ZYG11A: variants seen among roughly 807,000 people sequenced by gnomAD.
ZYG11A encodes the protein protein zyg-11 homolog A.
Under a neutral mutation model 77.2 loss-of-function variants are expected in ZYG11A, and 62 were observed. The ratio of observed to expected loss-of-function variants is 0.80; its 90% confidence interval spans 0.65 to 0.99. The LOEUF is 0.99. Among genes scored for constraint, ZYG11A ranks in the 50% least tolerant of loss-of-function variants. ZYG11A has a pLI of 0.00. For synonymous variants in ZYG11A, 315 were observed against 324.6 expected, an observed-to-expected ratio of 0.97 and a Z score of 0.32; for missense variants, 828 against 896.8, an observed-to-expected ratio of 0.92 and a Z score of 0.98.
At chr1:52,876,835 A>G (rs746579858) in intron 8 of ZYG11A, among the ~76,000 whole-genome samples, 3 of 152,178 alleles carry the variant, frequency 2.0e-5, no homozygotes, top group Non-Finnish European at 4.4e-5. Context: ...GTTATATTTT[A>G]TGTATCTTTT....
At chr1:52,843,973 A>G (rs1645511042) in intron 1 of ZYG11A, among the ~76,000 whole-genome samples, 1 of 152,090 alleles carries the variant, frequency 6.6e-6, no homozygotes, top group Admixed American at 6.5e-5. Context: ...GGCGTCAGCC[A>G]CCGTGCCCGG....
chr1:52,866,953 GTAAT>G (rs1300468421), intron 6 of ZYG11A, among the ~76,000 whole-genome samples: 1 of 152,106 alleles, frequency 6.6e-6, no homozygotes. Flanking sequence ...ATTTTGTTAT[GTAAT>G]TATTATTTTA....
chr1:52,870,743 C>T (rs960730811), intron 8 of ZYG11A, among the ~76,000 whole-genome samples: 1 of 152,108 alleles, frequency 6.6e-6, no homozygotes, highest in African/African-American at 2.4e-5. Flanking sequence ...CGCCTGCAGT[C>T]GCAGGCACTC....
intron 3 of ZYG11A, among the ~76,000 whole-genome samples, chr1:52,858,146 C>G (rs1645853381): frequency 6.7e-6 from 1 of 150,320 alleles, no homozygotes; most frequent in Non-Finnish European, 1.5e-5. Flanking sequence ...CCTGTAATCC[C>G]AGCACTTTGG....
intron 1 of ZYG11A, among the ~76,000 whole-genome samples, chr1:52,844,612 T>G (rs1027397687): frequency 1.3e-5 from 2 of 152,172 alleles, no homozygotes; most frequent in African/African-American, 4.8e-5. Flanking sequence ...CATTTTAATC[T>G]TCTCTTAGCA....
intron 4 of ZYG11A, among the ~76,000 whole-genome samples, chr1:52,862,676 CAG>C (rs1557439339): frequency 1.3e-5 from 2 of 152,124 alleles, no homozygotes; most frequent in African/African-American, 2.4e-5. Context: ...GCCTGGGTAA[CAG>C]AGCGAGATCC....
intron 1 of ZYG11A, among the ~76,000 whole-genome samples, chr1:52,846,513 C>T (rs1287870299): frequency 4.6e-5 from 7 of 151,200 alleles, no homozygotes; most frequent in Admixed American, 6.6e-5. Flanking sequence ...CCACCATTCC[C>T]GGCTAATTTT....
rs1375199449 is a variant in ZYG11A, at chr1:52,893,068, C to T, written c.*111C>T. ...TTTGTGAGTTGGCTGTCTCATTGGCCTTTGATTGTTGATTTTATATATGTT... is the reference window on the plus strand; with the variant it reads ...TTTGTGAGTTGGCTGTCTCATTGGCTTTTGATTGTTGATTTTATATATGTT... On this transcript the variant is annotated 3_prime_UTR_variant, in exon 14 of 14. Transcript: ENST00000371528. The T allele has an allele frequency of 2.1e-6, 2 of 943,284 alleles. No homozygotes were observed. The highest frequency in any genetic ancestry group is 3.3e-5 in the African/African-American group (2 of 60,180). The allele number at this position is 943,284 out of a possible 1,614,324, so 58.4% of individuals were successfully genotyped here. A position where few individuals can be genotyped will look rare whatever the true frequency, so the allele number is the denominator to read the frequency against.
At chr1:52,857,843 C>T in intron 3 of ZYG11A, 94 bp downstream of exon 3, 1 of 1,058,120 alleles carries the variant, frequency 9.5e-7, no homozygotes, top group Non-Finnish European at 1.3e-6. Context: ...ATTAGGGTTA[C>T]AGAGACAGAT....
intron 1 of ZYG11A, among the ~76,000 whole-genome samples, chr1:52,854,087 T>C (rs1645763670): frequency 6.6e-6 from 1 of 152,100 alleles, no homozygotes; most frequent in Non-Finnish European, 1.5e-5. Flanking sequence ...GTATAAAGGA[T>C]TTATACTGTA....
At position 52,842,930 on chromosome 1, in the gene ZYG11A, C is replaced by T. The variant is rs1283840132; in HGVS notation, c.47C>T (p.Pro16Leu). The change falls in exon 1 of 14, where the codon CCT becomes CTT. Residue 16 changes from proline (P) to leucine (L), a missense_variant. Physicochemically the swap from Pro to Leu is moderately conservative, Grantham distance 98. Coordinates refer to ENST00000371528, the MANE Select transcript of ZYG11A (RefSeq NM_001004339.3). ...GGCCACACGCCCCGGAACATCGTCC[C>T]TCCTGACGCTCAGAAGGATGCCCTG... The part of the protein sequence containing the change: ...HPGHTPRNIV[P>L]PDAQKDALGC... 1.3e-6 allele frequency: 2 copies of T among 1,529,836 alleles called. No individual in the cohort carries two copies. The allele number at this position is 1,529,836 out of a possible 1,614,324, so 94.8% of individuals were successfully genotyped here.
At chr1:52,856,955 G>A in intron 2 of ZYG11A, 43 bp from the exon 3 acceptor site, 1 of 1,471,322 alleles carries the variant, frequency 6.8e-7, no homozygotes, top group Non-Finnish European at 9.0e-7. Context: ...GGAAAGACAT[G>A]AGATCTAGTT....
rs386366962 is a variant in ZYG11A at position 52,886,699 on chromosome 1, A to ATTTTTTTTT, written c.2007-237_2007-229dup. Among the ~76,000 whole-genome samples the ATTTTTTTTT allele has an allele frequency of 1.9e-4, 13 of 69,136 alleles. 2 individuals are homozygous for ATTTTTTTTT. Among genetic ancestry groups the ATTTTTTTTT allele is most frequent in the African/African-American group, 2.6e-4 (4 of 15,542 alleles). The allele number at this position is 69,136 out of a possible 152,430, so 45.4% of individuals were successfully genotyped here. On this transcript the variant is annotated intron_variant, in intron 12 of 13. Transcript: ENST00000371528. ...AGGCGTGTGCCACCAGGCCCAGCTA[A>ATTTTTTTTT]TTTTTTTTTTTTTTTTTTTTTTTTT... is the stretch of plus-strand genomic sequence containing the variant.
At chr1:52,884,171 C>G (rs1218120865) in intron 11 of ZYG11A, among the ~76,000 whole-genome samples, 2 of 151,822 alleles carry the variant, frequency 1.3e-5, no homozygotes, top group South Asian at 2.1e-4. Flanking sequence ...TCAGGCACTG[C>G]ACCCGGCCAA....
chr1:52,843,211 G>A (rs1484727335), intron 1 of ZYG11A, among the ~76,000 whole-genome samples: 1 of 152,210 alleles, frequency 6.6e-6, no homozygotes, highest in Non-Finnish European at 1.5e-5. Context: ...GGCGAAGCGC[G>A]TGGAACTTGC....
chr1:52,863,529 C>A (rs1645967647), intron 4 of ZYG11A, among the ~76,000 whole-genome samples: 1 of 152,200 alleles, frequency 6.6e-6, no homozygotes, highest in Non-Finnish European at 1.5e-5. Flanking sequence ...GCCACTCTTT[C>A]CATAACTACC....
Position 52,857,388 on chromosome 1 carries a change from T to C in ZYG11A, c.647T>C (p.Leu216Pro), listed in dbSNP as rs1645834194. The C allele has an allele frequency of 6.4e-7, 1 of 1,551,848 alleles. No homozygotes were observed. The highest frequency in any genetic ancestry group is 8.7e-7 in the Non-Finnish European group (1 of 1,146,996). The change falls in exon 3 of 14, where the codon CTA (leucine) becomes CCA (proline). Residue 216 changes from leucine (L) to proline (P), a missense_variant. Physicochemically the swap from Leu to Pro is moderately conservative, Grantham distance 98 (BLOSUM62 -3). Transcript: ENST00000371528. ...GAAAGCTTAGATATCTCTAATACTCTAGTCACTGATATTTCTGCACTGCTT... is the reference window on the plus strand; with the variant it reads ...GAAAGCTTAGATATCTCTAATACTCCAGTCACTGATATTTCTGCACTGCTT... ...RLESLDISNT[L>P]VTDISALLTC... is the part of the protein sequence containing the mutation.
intron 11 of ZYG11A, among the ~76,000 whole-genome samples, chr1:52,884,808 A>T (rs1646419599): frequency 6.6e-6 from 1 of 152,124 alleles, no homozygotes; most frequent in African/African-American, 2.4e-5. Context: ...TGAATTGTTT[A>T]TGGGGTTGCC....
intron 3 of ZYG11A, among the ~76,000 whole-genome samples, chr1:52,859,160 G>A (rs1007105629): frequency 9.9e-5 from 15 of 151,692 alleles, no homozygotes; most frequent in Non-Finnish European, 2.1e-4. Context: ...TCTGCTGTGA[G>A]CTGAGATCCC....
Sources: gnomAD v4.1 joint callset for allele counts (sites outside exome capture counted in the v4.1 genomes callset) on GRCh38, gnomAD v4.1.1 for gene constraint, MANE v1.5 for transcripts, NCBI Gene and HGNC (gene_info 2026-07-23, HGNC 2026-07-21) for gene names.